The following IL1RAPL2 variants were observed in gnomAD, a reference collection of about 807,000 sequenced individuals.
The protein encoded by IL1RAPL2 is interleukin 1 receptor accessory protein like 2, also known as X-linked interleukin-1 receptor accessory protein-like 2.
IL1RAPL2 carries 3 observed loss-of-function variants against 44.1 expected under a neutral mutation model. The observed-to-expected ratio is 0.07, with a 90% CI of 0.03 to 0.18. The LOEUF is 0.18. Ranked by LOEUF, IL1RAPL2 falls within the 10% of genes least tolerant of loss-of-function variation. The pLI is 1.00. For missense variants in IL1RAPL2, 391 were observed against 496.4 expected, an observed-to-expected ratio of 0.79 and a Z score of 2.02; for synonymous variants, 181 against 178.8, an observed-to-expected ratio of 1.01 and a Z score of -0.10.
chrX:105,076,435 C>T (rs1169687107), intron 2 of IL1RAPL2, among the ~76,000 whole-genome samples: 1 of 111,584 alleles, frequency 9.0e-6, no homozygotes, highest in African/African-American at 3.3e-5. Flanking sequence ...TGTTCTTTTA[C>T]ATTTGCTGAG....
intron 2 of IL1RAPL2, among the ~76,000 whole-genome samples, chrX:104,724,775 A>T (rs1339403992): frequency 1.8e-5 from 2 of 111,633 alleles, no homozygotes; most frequent in African/African-American, 6.5e-5. Flanking sequence ...CATTTATTGA[A>T]TAGGGTGTCT....
intron 2 of IL1RAPL2, among the ~76,000 whole-genome samples, chrX:104,748,593 T>G (rs1240239952): frequency 9.0e-6 from 1 of 111,267 alleles, no homozygotes; most frequent in African/African-American, 3.3e-5. Context: ...CTAGCCAACA[T>G]GCTGTGAAAA....
At chrX:104,680,832 T>C (rs1930879033) in intron 2 of IL1RAPL2, among the ~76,000 whole-genome samples, 1 of 112,077 alleles carries the variant, frequency 8.9e-6, no homozygotes, top group East Asian at 2.8e-4. Flanking sequence ...TAACTTGGAA[T>C]ATTAACTTGG....
rs7065160 is a variant in IL1RAPL2, at chrX:105,215,075, T to C, written c.357-18743T>C. ...AACTAGAGAAGCAAGAGCAAACAAA[T>C]TCAAAAGCTAGCAGAAGACAAGAAA... On this transcript the variant is annotated intron_variant, in intron 3 of 10. Transcript: ENST00000372582. Among the ~76,000 whole-genome samples the C allele has an allele frequency of 3.7e-3, 415 of 111,211 alleles. 5 individuals carry two copies. Among genetic ancestry groups the C allele is most frequent in the African/African-American group, 0.013 (400 of 30,537 alleles).
At chrX:105,405,923 T>C (rs1225384140) in intron 5 of IL1RAPL2, 1 of 1,161,560 alleles carries the variant, frequency 8.6e-7, no homozygotes, top group African/African-American at 1.8e-5. Context: ...TGATCAGGGA[T>C]GATGATGTTT....
At chrX:104,932,085 A>G (rs1602830959) in intron 2 of IL1RAPL2, among the ~76,000 whole-genome samples, 1 of 104,229 alleles carries the variant, frequency 9.6e-6, no homozygotes, top group South Asian at 4.4e-4. Flanking sequence ...CCTGCCTCCC[A>G]GGTTCAAGTG....
At chrX:105,688,839 T>G (rs977610793) in intron 6 of IL1RAPL2, among the ~76,000 whole-genome samples, 20 of 111,780 alleles carry the variant, frequency 1.8e-4, no homozygotes, top group Non-Finnish European at 3.0e-4. Context: ...AAGGCTACAG[T>G]AACCAAAACA....
intron 5 of IL1RAPL2, among the ~76,000 whole-genome samples, chrX:105,322,183 A>G (rs984154587): frequency 3.6e-5 from 4 of 112,644 alleles, no homozygotes; most frequent in Non-Finnish European, 7.5e-5. Context: ...TGGAATCCTT[A>G]TGTTGCCATA....
At chrX:105,489,787 T>TTCTCTCTCTCTCTCTCTCTCTCTCTC (rs36081932) in intron 6 of IL1RAPL2, among the ~76,000 whole-genome samples, 3 of 73,365 alleles carry the variant, frequency 4.1e-5, no homozygotes, top group Admixed American at 1.7e-4. Flanking sequence ...CTTTCTCTCT[T>TTCTCTCTCTCTCTCTCTCTCTCTCTC]TCTCTCTCTC....
chrX:105,717,205 A>G (rs767270121), intron 6 of IL1RAPL2, among the ~76,000 whole-genome samples, 162 bp from the exon 7 acceptor site: 1 of 112,367 alleles, frequency 8.9e-6, no homozygotes, highest in South Asian at 3.7e-4. Flanking sequence ...AGAAGCCCTC[A>G]TAACTATTTA....
At chrX:104,577,596 G>C (rs1425149980) in intron 1 of IL1RAPL2, among the ~76,000 whole-genome samples, 1 of 111,815 alleles carries the variant, frequency 8.9e-6, no homozygotes, top group Non-Finnish European at 1.9e-5. Context: ...TGTGAGGTGG[G>C]AAGAAAGTAC....
rs187265663 is a variant in IL1RAPL2, at chrX:105,213,521, C to T, written c.356+17773C>T. ...GATTGATTGGTGTACCTGAAAGTGA[C>T]GGGGAGAATGGAACCAAGTTGGAAA... On this transcript the variant is annotated intron_variant, in intron 3 of 10. Coordinates refer to ENST00000372582, the MANE Select transcript of IL1RAPL2 (RefSeq NM_017416.2). 6.3e-5 allele frequency among the ~76,000 whole-genome samples: 7 copies of T among 110,766 alleles called. No homozygotes were observed. In the South Asian group the frequency reaches 1.5e-3, roughly 24 times the overall value.
intron 1 of IL1RAPL2, among the ~76,000 whole-genome samples, chrX:104,653,842 G>C (rs1488371115): frequency 9.0e-6 from 1 of 110,863 alleles, no homozygotes; most frequent in Non-Finnish European, 1.9e-5. Flanking sequence ...GCCTTTCCAG[G>C]TTTTCTTCCA....
At chrX:105,638,592 G>A (rs2037541956) in intron 6 of IL1RAPL2, among the ~76,000 whole-genome samples, 1 of 111,985 alleles carries the variant, frequency 8.9e-6, no homozygotes, top group African/African-American at 3.2e-5. Context: ...CAACATGAAA[G>A]CATTTGAAAG....
intron 2 of IL1RAPL2, among the ~76,000 whole-genome samples, chrX:105,022,832 T>C (rs889465567): frequency 4.5e-5 from 5 of 110,775 alleles, no homozygotes; most frequent in African/African-American, 1.6e-4. Context: ...TTTTCTCTTG[T>C]GGAGAATGGC....
chrX:105,310,412 C>T (rs73245770), intron 5 of IL1RAPL2, among the ~76,000 whole-genome samples: 5,921 of 110,996 alleles, frequency 0.053, 183 homozygotes, highest in Non-Finnish European at 0.088. Flanking sequence ...GGATAGTCAA[C>T]TGCTGGACTG....
At chrX:105,175,373 A>G (rs1358518368) in intron 2 of IL1RAPL2, among the ~76,000 whole-genome samples, 1 of 111,504 alleles carries the variant, frequency 9.0e-6, no homozygotes, top group Non-Finnish European at 1.9e-5. Flanking sequence ...TAATAGAAAT[A>G]ACAGTGATGC....
chrX:105,543,629 C>A (rs2036763401), intron 6 of IL1RAPL2, among the ~76,000 whole-genome samples: 1 of 112,327 alleles, frequency 8.9e-6, no homozygotes, highest in East Asian at 2.8e-4. Flanking sequence ...TGACAGAACA[C>A]CTACTGTGAG....
At chrX:104,795,718 C>T (rs1175400952) in intron 2 of IL1RAPL2, among the ~76,000 whole-genome samples, 1 of 111,658 alleles carries the variant, frequency 9.0e-6, no homozygotes, top group African/African-American at 3.3e-5. Flanking sequence ...TACACTTCTA[C>T]TCCTACTGCT....
Sources: allele counts gnomAD v4.1 joint callset (sites outside exome capture counted in the v4.1 genomes callset), GRCh38; gene constraint gnomAD v4.1.1; transcripts MANE v1.5; gene names NCBI Gene and HGNC (gene_info 2026-07-23, HGNC 2026-07-21).